The following ACSS3 variants were observed in gnomAD, a reference collection of about 807,000 sequenced individuals.
ACSS3 encodes the protein acyl-CoA synthetase short-chain family member 3, mitochondrial.
ACSS3 carries 64 observed loss-of-function variants against 84.2 expected under a neutral mutation model. The observed-to-expected ratio is 0.76, with a 90% CI of 0.62 to 0.94. The LOEUF (loss-of-function observed/expected upper bound fraction) is 0.94, where lower values mean the gene tolerates loss of function less well. Ranked by LOEUF, ACSS3 falls within the 40% of genes least tolerant of loss-of-function variation. The pLI is 0.00. For synonymous variants in ACSS3, 317 were observed against 310.1 expected, an observed-to-expected ratio of 1.02 and a Z score of -0.23; for missense variants, 815 against 867.6, an observed-to-expected ratio of 0.94 and a Z score of 0.76.
rs2033528210 is a variant in ACSS3 at position 81,233,402 on chromosome 12, T to C, written c.1650T>C (p.Tyr550=). The change falls in exon 13 of 16, where the codon TAT becomes TAC. Residue 550 remains tyrosine, a synonymous_variant. Coordinates refer to ENST00000548058, the MANE Select transcript of ACSS3 (RefSeq NM_024560.4). ...ACATGGATGAAGAAGGCTATTTGTA[T>C]GTTATGTCTCGAGTGGATGATGTAA... ...AGYMDEEGYL[Y]VMSRVDDVIN... 1 of 1,611,216 alleles carries C rather than the reference T, an allele frequency of 6.2e-7. No individual in the cohort carries two copies. Among genetic ancestry groups the C allele is most frequent in the Non-Finnish European group, 8.5e-7 (1 of 1,177,978 alleles).
chr12:81,191,878 T>A (rs530095954), intron 8 of ACSS3, among the ~76,000 whole-genome samples: 1 of 152,320 alleles, frequency 6.6e-6, no homozygotes, highest in African/African-American at 2.4e-5. Flanking sequence ...CCTAAACATT[T>A]TTCAGTTTAA....
intron 1 of ACSS3, among the ~76,000 whole-genome samples, chr12:81,082,425 G>T: frequency 6.6e-6 from 1 of 152,180 alleles, no homozygotes; most frequent in East Asian, 1.9e-4. Flanking sequence ...CATGAGAGGG[G>T]TCTAGAGGAA....
At chr12:81,219,641 A>G (rs1203367637) in intron 10 of ACSS3, among the ~76,000 whole-genome samples, 13 of 152,030 alleles carry the variant, frequency 8.6e-5, no homozygotes, top group Non-Finnish European at 2.9e-5. Flanking sequence ...TGTTGCGTAT[A>G]TTTTTTGGTG....
chr12:81,101,431 C>A (rs1301109932), intron 1 of ACSS3, among the ~76,000 whole-genome samples: 2 of 152,076 alleles, frequency 1.3e-5, no homozygotes, highest in African/African-American at 2.4e-5. Flanking sequence ...TTACTGCCCT[C>A]CAATTTTTCT....
chr12:81,217,159 T>C (rs919007548), intron 10 of ACSS3, among the ~76,000 whole-genome samples, 163 bp downstream of exon 10: 2 of 152,186 alleles, frequency 1.3e-5, no homozygotes, highest in African/African-American at 4.8e-5. Context: ...ATCAAAAGTA[T>C]GTTGTGGATT....
In ACSS3 at chr12:81,218,290, T is replaced by G. The variant is rs567203363; in HGVS notation, c.1450+1294T>G. Among the ~76,000 whole-genome samples, 5 of 152,304 alleles carry G rather than the reference T, an allele frequency of 3.3e-5. No individual in the cohort carries two copies. The South Asian group carries it at 1.0e-3, about 32-fold the overall frequency. On this transcript the variant is annotated intron_variant, in intron 10 of 15. Transcript: ENST00000548058. ...AGGCACAGAGGTTTTGTAATTTGCT[T>G]AAGGTCACACAATTTGGCTTAGTAG...
chr12:81,253,943 GA>G (rs2034227113), intron 15 of ACSS3, among the ~76,000 whole-genome samples: 2 of 151,988 alleles, frequency 1.3e-5, no homozygotes, highest in Non-Finnish European at 2.9e-5. Context: ...TTTTAATTTA[GA>G]GATAGAGTCT....
At chr12:81,136,148 T>G (rs1359857125) in intron 3 of ACSS3, among the ~76,000 whole-genome samples, 29 of 152,060 alleles carry the variant, frequency 1.9e-4, no homozygotes. Flanking sequence ...ATTTAGTGAG[T>G]CTGTTGTGAA....
At chr12:81,214,641 A>G (rs1035430687) in intron 9 of ACSS3, among the ~76,000 whole-genome samples, 1 of 152,212 alleles carries the variant, frequency 6.6e-6, no homozygotes, top group African/African-American at 2.4e-5. Context: ...AAGAAGGACA[A>G]CGCTTCATTA....
chr12:81,126,469 C>G (rs1885104113), intron 2 of ACSS3, among the ~76,000 whole-genome samples: 1 of 152,148 alleles, frequency 6.6e-6, no homozygotes. Context: ...GAATTATTTT[C>G]TCTGTCCACA....
intron 5 of ACSS3, among the ~76,000 whole-genome samples, chr12:81,151,345 C>T (rs1044159848): frequency 2.6e-5 from 4 of 152,084 alleles, no homozygotes; most frequent in Non-Finnish European, 5.9e-5. Context: ...CTTGCATGAT[C>T]CTCAGTGAAG....
chr12:81,164,226 T>C (rs1887294102), intron 7 of ACSS3, among the ~76,000 whole-genome samples: 1 of 152,190 alleles, frequency 6.6e-6, no homozygotes, highest in African/African-American at 2.4e-5. Flanking sequence ...CTTACCATTG[T>C]GATACAGTTG....
At chr12:81,204,302 C>T (rs1019687948) in intron 9 of ACSS3, among the ~76,000 whole-genome samples, 1 of 150,404 alleles carries the variant, frequency 6.6e-6, no homozygotes, top group Non-Finnish European at 1.5e-5. Context: ...CCTTCCTCCT[C>T]TTCTTCCTTC....
At chr12:81,174,697 T>A in intron 7 of ACSS3, 91 bp from the exon 8 acceptor site, 1 of 1,306,162 alleles carries the variant, frequency 7.7e-7, no homozygotes, top group Non-Finnish European at 1.0e-6. Context: ...CCCTTATTAT[T>A]AATATTGTTG....
At chr12:81,249,713 G>T (rs2034092801) in intron 13 of ACSS3, among the ~76,000 whole-genome samples, 1 of 152,106 alleles carries the variant, frequency 6.6e-6, no homozygotes, top group African/African-American at 2.4e-5. Context: ...TGAGTATCTG[G>T]AATCTCTCTG....
chr12:81,117,274 G>A (rs958229034), intron 2 of ACSS3, among the ~76,000 whole-genome samples: 9 of 152,194 alleles, frequency 5.9e-5, no homozygotes, highest in Middle Eastern at 3.4e-3. Context: ...TTTCAGTAGC[G>A]CATAAAATAA....
intron 2 of ACSS3, among the ~76,000 whole-genome samples, chr12:81,123,029 A>T (rs753156849): frequency 6.6e-6 from 1 of 151,356 alleles, no homozygotes; most frequent in Non-Finnish European, 1.5e-5. Context: ...ACTGCTTAAC[A>T]TATAATATAG....
intron 2 of ACSS3, among the ~76,000 whole-genome samples, chr12:81,129,658 G>A (rs964219365): frequency 6.6e-6 from 1 of 151,984 alleles, no homozygotes; most frequent in Non-Finnish European, 1.5e-5. Context: ...TAAGTTCTAG[G>A]GTACATGTGC....
At chr12:81,221,340 T>C (rs544887151) in intron 11 of ACSS3, among the ~76,000 whole-genome samples, 278 of 152,200 alleles carry the variant, frequency 1.8e-3, no homozygotes, top group Non-Finnish European at 3.5e-3. Flanking sequence ...AATGATTTGC[T>C]TTCGTATTTA....
Sources: gnomAD v4.1 joint callset for allele counts (sites outside exome capture counted in the v4.1 genomes callset) on GRCh38, gnomAD v4.1.1 for gene constraint, MANE v1.5 for transcripts, NCBI Gene and HGNC (gene_info 2026-07-23, HGNC 2026-07-21) for gene names.